TEX36: variants seen among roughly 807,000 people sequenced by gnomAD.
TEX36 encodes the protein testis expressed 36.
TEX36 carries 12 observed loss-of-function variants against 13.6 expected under a neutral mutation model. That is an observed-to-expected ratio of 0.88 (90% CI 0.56 to 1.43). TEX36 has a LOEUF of 1.43. Ranked by LOEUF, TEX36 falls within the 40% of genes most tolerant of loss-of-function variation. The pLI is 0.00. For missense variants in TEX36, 224 were observed against 228.3 expected (o/e 0.98, Z 0.12); for synonymous variants, 93 against 83.0 (o/e 1.12, Z -0.65).
Position 125,683,031 on chromosome 10 carries a change from C to A in TEX36, c.-42G>T, listed in dbSNP as rs1231439030. The A allele has an allele frequency of 1.3e-6, 2 of 1,549,916 alleles. No homozygotes were observed. The highest frequency in any genetic ancestry group is 1.7e-6 in the Non-Finnish European group (2 of 1,145,358). ...AATGTGGCTGAGATTGGCTCCCTCA[C>A]CTCTCCATAAGCTCTACATGTCTGG... is the stretch of plus-strand genomic sequence containing the variant. On this transcript the variant is annotated 5_prime_UTR_variant, in exon 1 of 4. Coordinates refer to ENST00000368821, the MANE Select transcript of TEX36 (RefSeq NM_001128202.3).
intron 3 of TEX36, among the ~76,000 whole-genome samples, chr10:125,648,322 GGCAA>G (rs1846803300): frequency 6.6e-6 from 1 of 152,216 alleles, no homozygotes; most frequent in Admixed American, 6.5e-5. Context: ...GGAAGGATCA[GGCAA>G]CAACATTTGC....
downstream of TEX36, among the ~76,000 whole-genome samples, chr10:125,651,979 A>G (rs1485144360): frequency 6.6e-6 from 1 of 152,244 alleles, no homozygotes; most frequent in East Asian, 1.9e-4. Flanking sequence ...ACCACTGCTC[A>G]GTGAAATAAA....
At chr10:125,677,744 C>T (rs149699278) in intron 1 of TEX36, among the ~76,000 whole-genome samples, 4 of 152,006 alleles carry the variant, frequency 2.6e-5, no homozygotes, top group African/African-American at 7.3e-5. Context: ...TGCAGTGGTG[C>T]GATCTTGGCT....
chr10:125,638,148 T>C (rs1303177131), intron 3 of TEX36, among the ~76,000 whole-genome samples: 1 of 150,558 alleles, frequency 6.6e-6, no homozygotes, highest in Non-Finnish European at 1.5e-5. Flanking sequence ...ACTTAAGCCA[T>C]GTGACAACCC....
intron 3 of TEX36, among the ~76,000 whole-genome samples, chr10:125,587,632 C>T (rs1032084730): frequency 7.2e-4 from 110 of 151,824 alleles, no homozygotes; most frequent in African/African-American, 2.3e-3. Flanking sequence ...ACTAAAAATA[C>T]GAAAATTAGC....
At chr10:125,659,879 G>T (rs1589779291) in intron 3 of TEX36, among the ~76,000 whole-genome samples, 1 of 152,270 alleles carries the variant, frequency 6.6e-6, no homozygotes, top group Non-Finnish European at 1.5e-5. Flanking sequence ...AGGATTTGCA[G>T]GTATCACTTG....
intron 3 of TEX36, among the ~76,000 whole-genome samples, chr10:125,629,353 G>A (rs991225734): frequency 2.0e-5 from 3 of 152,172 alleles, no homozygotes; most frequent in Admixed American, 6.5e-5. Context: ...AAATTGAGGC[G>A]ACTTCAAATT....
At chr10:125,608,550 G>A (rs955325469) in intron 3 of TEX36, among the ~76,000 whole-genome samples, 1 of 152,142 alleles carries the variant, frequency 6.6e-6, no homozygotes, top group Non-Finnish European at 1.5e-5. Context: ...AAGTGGCTGA[G>A]GGCTAGAGGG....
At chr10:125,651,781 T>C (rs1846863895), downstream of TEX36, among the ~76,000 whole-genome samples, 1 of 152,226 alleles carries the variant, frequency 6.6e-6, no homozygotes, top group Non-Finnish European at 1.5e-5. Flanking sequence ...CTTAAGCTGA[T>C]AAGCAACTTC....
rs1002868764 is a variant in TEX36, at chr10:125,682,794, G to T, written c.51+145C>A. On this transcript the variant is annotated intron_variant, in intron 1 of 3. Transcript: ENST00000368821. ...AGTGTTAGAGGATTCCCATGTCACAGATGAAGAAACTGAGGTTGAGTAAAG... is the reference window on the plus strand; with the variant it reads ...AGTGTTAGAGGATTCCCATGTCACATATGAAGAAACTGAGGTTGAGTAAAG... 7.9e-6 allele frequency: 7 copies of T among 882,560 alleles called. No homozygotes were observed. The African/African-American group carries it at 8.4e-5, about 11-fold the overall frequency. 54.7% of individuals were successfully genotyped at this position (882,560 alleles called of 1,614,324 possible). A position where few individuals can be genotyped will look rare whatever the true frequency, so the allele number is the denominator to read the frequency against.
downstream of TEX36, chr10:125,621,490 T>C: frequency 2.5e-6 from 1 of 405,330 alleles, no homozygotes; most frequent in Non-Finnish European, 5.0e-6. Context: ...ATCTTCCCAG[T>C]GTGTAATTTT....
intron 3 of TEX36, among the ~76,000 whole-genome samples, chr10:125,610,720 TC>T (rs1193688321): frequency 5.3e-5 from 8 of 152,214 alleles, no homozygotes; most frequent in African/African-American, 1.7e-4. Flanking sequence ...TTGTTTGCCC[TC>T]TTTGTCACTT....
At chr10:125,598,493 G>T (rs556678772) in intron 3 of TEX36, among the ~76,000 whole-genome samples, 168 of 152,278 alleles carry the variant, frequency 1.1e-3, no homozygotes, top group African/African-American at 4.0e-3. Context: ...TGGAAAAATT[G>T]TCCTTTAGGA....
rs572415289 is a variant in TEX36 at position 125,679,150 on chromosome 10, C to A, written c.51+3789G>T. 2.8e-5 allele frequency among the ~76,000 whole-genome samples: 4 copies of A among 144,794 alleles called. 1 individual carries two copies. The South Asian group carries it at 6.7e-4, about 24-fold the overall frequency. 95.0% of individuals were successfully genotyped at this position (144,794 alleles called of 152,430 possible). On this transcript the variant is annotated intron_variant, in intron 1 of 3. Coordinates refer to ENST00000368821, the MANE Select transcript of TEX36 (RefSeq NM_001128202.3). ...TGGCTACAGGAGCACCCCCCCCGCC[C>A]CCGCCAAGCTGACAACTTAGTTCCA...
In TEX36 at chr10:125,680,009, A is replaced by C. The variant is rs545911707; in HGVS notation, c.51+2930T>G. Among the ~76,000 whole-genome samples the C allele has an allele frequency of 4.6e-5, 7 of 152,360 alleles. No homozygotes were observed. The East Asian group carries it at 1.3e-3, about 29-fold the overall frequency. ...TGCTTTACAAAAATCAGATTATATC[A>C]TACATACTGCTTTGCACCTTGCTTT... On this transcript the variant is annotated intron_variant, in intron 1 of 3. Coordinates refer to ENST00000368821, the MANE Select transcript of TEX36 (RefSeq NM_001128202.3).
chr10:125,673,287 G>A, intron 1 of TEX36, among the ~76,000 whole-genome samples: 1 of 152,198 alleles, frequency 6.6e-6, no homozygotes, highest in East Asian at 1.9e-4. Flanking sequence ...TCCTTCAGGA[G>A]CTCTTGCAAG....
intron 3 of TEX36, among the ~76,000 whole-genome samples, chr10:125,637,715 G>A (rs1001911088): frequency 6.6e-6 from 1 of 152,134 alleles, no homozygotes; most frequent in African/African-American, 2.4e-5. Flanking sequence ...CCGGTCCAGT[G>A]GGACCCCTGT....
At chr10:125,608,622 C>T (rs1846246644) in intron 3 of TEX36, among the ~76,000 whole-genome samples, 1 of 152,124 alleles carries the variant, frequency 6.6e-6, no homozygotes, top group South Asian at 2.1e-4. Flanking sequence ...GAAAACTAGA[C>T]TGCCCCCTGG....
At chr10:125,656,249 CTTTTT>C (rs66461124) in intron 3 of TEX36, 53 bp from the exon 4 acceptor site, 1,017 of 261,956 alleles carry the variant, frequency 3.9e-3, no homozygotes, top group East Asian at 0.011. Context: ...TCACATAGTT[CTTTTT>C]TTTTTTTTTT....
Sources: gnomAD v4.1 joint callset for allele counts (sites outside exome capture counted in the v4.1 genomes callset) on GRCh38, gnomAD v4.1.1 for gene constraint, MANE v1.5 for transcripts, NCBI Gene and HGNC (gene_info 2026-07-23, HGNC 2026-07-21) for gene names.